MYLK: variants seen among roughly 807,000 people sequenced by gnomAD.
MYLK encodes myosin light chain kinase, smooth muscle.
In MYLK, 106 loss-of-function variants were observed where a neutral mutation model predicts 203.4. The ratio of observed to expected loss-of-function variants is 0.52; its 90% CI spans 0.45 to 0.61. The LOEUF (loss-of-function observed/expected upper bound fraction) is 0.61. Ranked by LOEUF, MYLK falls within the 20% of genes least tolerant of loss-of-function variation. The pLI, the probability that MYLK is intolerant of heterozygous loss-of-function variation, is 0.00. For synonymous variants in MYLK, 867 were observed against 959.5 expected, an observed-to-expected ratio of 0.90 and a Z score of 1.78; for missense variants, 2,072 against 2,442.3, an observed-to-expected ratio of 0.85 and a Z score of 3.20.
At chr3:123,781,015 G>T (rs927640992) in intron 4 of MYLK, among the ~76,000 whole-genome samples, 1 of 152,198 alleles carries the variant, frequency 6.6e-6, no homozygotes. Context: ...AAGAAGCAGG[G>T]TAGCACTATG....
chr3:123,684,362 G>A (rs973166482), intron 19 of MYLK, among the ~76,000 whole-genome samples: 2 of 152,166 alleles, frequency 1.3e-5, no homozygotes, highest in African/African-American at 4.8e-5. Flanking sequence ...TATTCCAAGA[G>A]GCAGAAAAAC....
rs767637137 is a variant in MYLK, at chr3:123,733,070, A to G, written c.1342T>C (p.Phe448Leu). The change falls in exon 11 of 34, where the codon TTC becomes CTC. Residue 448 changes from phenylalanine (F) to leucine (L), a missense_variant. By Grantham distance (22) the Phe-to-Leu change is conservative (BLOSUM62 0). This residue lies in a region of MYLK where 683 missense variants were observed against 643.8 expected (regional missense o/e 1.06). Coordinates refer to ENST00000360304, the MANE Select transcript of MYLK (RefSeq NM_053025.4). ...CTCCTCACGGGGGTGCCTTCCAGGA[A>G]CCAGGCCACTTCAGGCTTTGGAATC... ...SGIPKPEVAW[F>L]LEGTPVRRQE... 1.2e-6 allele frequency: 2 copies of G among 1,613,846 alleles called. No homozygotes were observed.
At chr3:123,825,910 T>C (rs1235753594) in intron 3 of MYLK, among the ~76,000 whole-genome samples, 1 of 152,194 alleles carries the variant, frequency 6.6e-6, no homozygotes, top group African/African-American at 2.4e-5. Flanking sequence ...CTCCTCTAAA[T>C]AGGAGAGGCC....
At chr3:123,788,281 T>C (rs867931831) in intron 4 of MYLK, among the ~76,000 whole-genome samples, 1 of 152,186 alleles carries the variant, frequency 6.6e-6, no homozygotes, top group Non-Finnish European at 1.5e-5. Flanking sequence ...TATCTTGCTC[T>C]TCTATATGCA....
intron 4 of MYLK, among the ~76,000 whole-genome samples, chr3:123,766,367 A>G (rs2063703521): frequency 6.6e-6 from 1 of 152,182 alleles, no homozygotes. Flanking sequence ...CGCAGCCTCG[A>G]GGCCCACAGC....
intron 1 of MYLK, among the ~76,000 whole-genome samples, chr3:123,878,120 G>A (rs1021410188): frequency 3.9e-5 from 6 of 152,126 alleles, no homozygotes; most frequent in Non-Finnish European, 8.8e-5. Context: ...CAGGCTATGA[G>A]TAAGGATACA....
At chr3:123,764,213 C>T (rs912790652) in intron 4 of MYLK, among the ~76,000 whole-genome samples, 2 of 152,062 alleles carry the variant, frequency 1.3e-5, no homozygotes, top group African/African-American at 2.4e-5. Context: ...CTACTTGGTT[C>T]CTTGTTCGGT....
chr3:123,873,617 C>T (rs1190811089), intron 2 of MYLK, among the ~76,000 whole-genome samples: 2 of 151,942 alleles, frequency 1.3e-5, no homozygotes, highest in East Asian at 1.9e-4. Flanking sequence ...GGTCAACAAA[C>T]AAAAATCAGT....
intron 2 of MYLK, among the ~76,000 whole-genome samples, chr3:123,867,738 G>A (rs1002822383): frequency 6.6e-6 from 1 of 152,206 alleles, no homozygotes; most frequent in Non-Finnish European, 1.5e-5. Context: ...CCACCTGGCT[G>A]TGGTACTTTG....
rs146724203 is a variant in MYLK, at chr3:123,725,964, C to T, written c.1631G>A (p.Arg544Gln). ...CTCACCATTCAGCAGCCAAGTGATC[C>T]GGGGCACTGGGGTCCCCCGTACGGA... ...QCSVRGTPVP[R>Q]ITWLLNGQPI... Residue 544 changes from arginine to glutamine, a missense_variant, in exon 12 of 34, where the codon CGG (arginine) becomes CAG (glutamine). This residue lies in a region of MYLK where 865 missense variants were observed against 1,016.0 expected (regional missense o/e 0.85). Transcript: ENST00000360304. 7.2e-5 allele frequency: 116 copies of T among 1,614,038 alleles called. No homozygotes were observed. In the African/African-American group the frequency reaches 1.2e-3, roughly 16 times the overall value.
chr3:123,683,100 T>C (rs981412415), intron 19 of MYLK, among the ~76,000 whole-genome samples: 1 of 152,018 alleles, frequency 6.6e-6, no homozygotes, highest in Non-Finnish European at 1.5e-5. Context: ...CAGGACACTA[T>C]GGGGAAACCA....
chr3:123,881,282 C>T (rs1169612381), intron 1 of MYLK, among the ~76,000 whole-genome samples: 1 of 152,180 alleles, frequency 6.6e-6, no homozygotes, highest in African/African-American at 2.4e-5. Context: ...AGACCCTGCT[C>T]AGGCCTAAGC....
At chr3:123,843,139 C>T (rs1323596073) in intron 2 of MYLK, among the ~76,000 whole-genome samples, 1 of 152,210 alleles carries the variant, frequency 6.6e-6, no homozygotes, top group African/African-American at 2.4e-5. Flanking sequence ...AATTCAATAG[C>T]TCAAGTCTCA....
chr3:123,718,762 T>G (rs2061991252), intron 13 of MYLK, among the ~76,000 whole-genome samples: 1 of 152,156 alleles, frequency 6.6e-6, no homozygotes, highest in African/African-American at 2.4e-5. Flanking sequence ...CTCATGTTCT[T>G]AACAGCACGT....
chr3:123,795,619 G>C (rs1337915740), intron 3 of MYLK, among the ~76,000 whole-genome samples: 1 of 152,166 alleles, frequency 6.6e-6, no homozygotes. Flanking sequence ...CTCCAGTCAA[G>C]GCCATTGGAC....
chr3:123,798,409 C>T (rs760206409), intron 3 of MYLK, among the ~76,000 whole-genome samples: 79 of 152,148 alleles, frequency 5.2e-4, no homozygotes, highest in African/African-American at 1.9e-3. Context: ...TGCTGTCAGG[C>T]CTGGCTTTGA....
At chr3:123,850,191 T>C (rs1211754590) in intron 2 of MYLK, among the ~76,000 whole-genome samples, 1 of 152,168 alleles carries the variant, frequency 6.6e-6, no homozygotes, top group Non-Finnish European at 1.5e-5. Flanking sequence ...GTGAATAGTG[T>C]TGCAGTAAAC....
In MYLK at chr3:123,733,763, T is replaced by C; in HGVS notation, c.1233A>G (p.Ser411=). Residue 411 remains serine, a synonymous_variant, in exon 10 of 34, where the codon TCA becomes TCG. Transcript: ENST00000360304. ...GCTTGCTCTCAAATTTGGGGAATGC[T>C]GAATCCCTCTGGCCCTCCATGGGGA... is the stretch of plus-strand genomic sequence containing the variant. The part of the protein sequence containing the change: ...RRIPMEGQRD[S]AFPKFESKPQ... The C allele has an allele frequency of 6.2e-7, 1 of 1,614,216 alleles. No individual in the cohort carries two copies. The highest frequency in any genetic ancestry group is 8.5e-7 in the Non-Finnish European group (1 of 1,180,036).
chr3:123,831,258 A>C (rs1468273431), intron 3 of MYLK: 2 of 709,734 alleles, frequency 2.8e-6, no homozygotes, highest in Non-Finnish European at 4.1e-6. Flanking sequence ...AGCAGCAGCC[A>C]GGGCAACCCG....
Sources: gnomAD v4.1 joint callset for allele counts (sites outside exome capture counted in the v4.1 genomes callset) on GRCh38, gnomAD v4.1.1 for gene constraint, gnomAD v4.1.1 regional missense constraint, MANE v1.5 for transcripts, NCBI Gene and HGNC (gene_info 2026-07-23, HGNC 2026-07-21) for gene names.